The following FOXP1 variants were observed in gnomAD, a reference collection of about 807,000 sequenced individuals.
FOXP1 encodes forkhead box protein P1.
Under a neutral mutation model 98.2 loss-of-function variants are expected in FOXP1, and 15 were observed. The ratio of observed to expected loss-of-function variants is 0.15; its 90% CI spans 0.10 to 0.24. The LOEUF (loss-of-function observed/expected upper bound fraction) is 0.24. Ranked by LOEUF, FOXP1 falls within the 10% of genes least tolerant of loss-of-function variation. The probability of loss-of-function intolerance (pLI) is 1.00; values close to 1 mark genes in which losing one functional copy is unlikely to be tolerated. For synonymous variants in FOXP1, 371 were observed against 314.5 expected (o/e 1.18, Z -1.90); for missense variants, 633 against 848.5 (o/e 0.75, Z 3.15).
chr3:71,320,907 T>C (rs1049272024), intron 4 of FOXP1, among the ~76,000 whole-genome samples: 2 of 152,166 alleles, frequency 1.3e-5, no homozygotes, highest in South Asian at 4.1e-4. Flanking sequence ...AGCTGATATT[T>C]ATGTGAATGA....
chr3:71,583,572 C>T lies in FOXP1; in HGVS notation c.-448G>A. The T allele has an allele frequency of 2.0e-6, 2 of 983,696 alleles. No homozygotes were observed. Among genetic ancestry groups the T allele is most frequent in the Non-Finnish European group, 2.4e-6 (2 of 829,560 alleles). The allele number at this position is 983,696 out of a possible 1,614,324, so 60.9% of individuals were successfully genotyped here. On this transcript the variant is annotated splice_region_variant and 5_prime_UTR_variant, in exon 1 of 21. Coordinates refer to ENST00000649528, the MANE Select transcript of FOXP1 (RefSeq NM_001349338.3). ...AGAAATGGAAAAATACAAACTCACCCGCTGCAAATGGTCTCTCGGTGCAAA... is the reference window on the plus strand; with the variant it reads ...AGAAATGGAAAAATACAAACTCACCTGCTGCAAATGGTCTCTCGGTGCAAA...
At chr3:71,061,924 G>A (rs980702399) in intron 7 of FOXP1, among the ~76,000 whole-genome samples, 2 of 152,116 alleles carry the variant, frequency 1.3e-5, no homozygotes, top group African/African-American at 4.8e-5. Flanking sequence ...CTCAAACAAC[G>A]TTTCTGCCAC....
At chr3:71,141,829 T>G (rs1156409521) in intron 6 of FOXP1, among the ~76,000 whole-genome samples, 2 of 152,102 alleles carry the variant, frequency 1.3e-5, no homozygotes, top group African/African-American at 4.8e-5. Context: ...CTACTCTAGA[T>G]AAGTCCATCA....
At chr3:70,999,606 TA>T (rs757400771) in intron 13 of FOXP1, among the ~76,000 whole-genome samples, 23 of 152,236 alleles carry the variant, frequency 1.5e-4, no homozygotes, top group Non-Finnish European at 2.4e-4. Context: ...GGAAAAATAT[TA>T]ACTGGCTAAC....
At chr3:71,374,806 G>C (rs945244646) in intron 3 of FOXP1, among the ~76,000 whole-genome samples, 4 of 152,188 alleles carry the variant, frequency 2.6e-5, no homozygotes, top group Admixed American at 6.5e-5. Flanking sequence ...TGATGTGCTA[G>C]TAAAATAGCT....
At chr3:71,296,288 T>G (rs964115678) in intron 5 of FOXP1, 2 of 152,248 alleles carry the variant, frequency 1.3e-5, no homozygotes, top group Admixed American at 6.5e-5. Context: ...TACATGCTTC[T>G]TGCAGTGTGA....
intron 3 of FOXP1, among the ~76,000 whole-genome samples, chr3:71,370,798 G>GTTTTT (rs71621937): frequency 7.8e-6 from 1 of 128,408 alleles, no homozygotes; most frequent in Non-Finnish European, 1.6e-5. Flanking sequence ...TTTTTTTGTT[G>GTTTTT]TTTTTTTTTT....
Position 70,955,277 on chromosome 3 carries a change from A to G in FOXP1, c.*3970T>C, listed in dbSNP as rs893014753. The G allele has an allele frequency of 4.3e-6, 1 of 232,812 alleles. No homozygotes were observed. Among genetic ancestry groups the G allele is most frequent in the South Asian group, 1.8e-4 (1 of 5,528 alleles). 14.4% of individuals were successfully genotyped at this position (232,812 alleles called of 1,614,324 possible). A position where few individuals can be genotyped will look rare whatever the true frequency, so the allele number is the denominator to read the frequency against. On this transcript the variant is annotated 3_prime_UTR_variant, in exon 21 of 21. Transcript: ENST00000649528. Reference sequence around the variant, plus strand: ...ACAGCCTATCTTGGGTTAAGAATCCAAGGTTTTCTTTACTAGGTCTGACTG... The same window carrying G: ...ACAGCCTATCTTGGGTTAAGAATCCGAGGTTTTCTTTACTAGGTCTGACTG...
intron 7 of FOXP1, among the ~76,000 whole-genome samples, chr3:71,075,059 T>G (rs1196053893): frequency 6.6e-6 from 1 of 152,184 alleles, no homozygotes; most frequent in Non-Finnish European, 1.5e-5. Flanking sequence ...GTCTCAGATG[T>G]AAACATGAAA....
chr3:71,244,396 C>A (rs976853826), intron 5 of FOXP1, among the ~76,000 whole-genome samples: 13 of 151,852 alleles, frequency 8.6e-5, no homozygotes, highest in Admixed American at 5.9e-4. Context: ...GGCCCTCCCC[C>A]CGAAGCACAG....
chr3:71,272,281 T>C (rs2070439284), intron 5 of FOXP1, among the ~76,000 whole-genome samples: 1 of 152,136 alleles, frequency 6.6e-6, no homozygotes, highest in Non-Finnish European at 1.5e-5. Context: ...AATTCAGCAA[T>C]GAAAACGAGA....
intron 3 of FOXP1, among the ~76,000 whole-genome samples, chr3:71,471,092 TG>T (rs1435181137): frequency 6.6e-6 from 1 of 152,210 alleles, no homozygotes; most frequent in African/African-American, 2.4e-5. Flanking sequence ...TCTGTTTCCT[TG>T]CTTGGACAAA....
In FOXP1 at chr3:71,464,306, A is replaced by C. The variant is rs144588307; in HGVS notation, c.-168+29120T>G. The stretch of plus-strand genomic sequence containing the variant: ...GAAGGAAAACAAGGTAACTGCCTAC[A>C]GGTCTGCAAGTCGGGAGCAGGTGAC... On this transcript the variant is annotated intron_variant, in intron 3 of 20. Transcript: ENST00000649528. 9.0e-3 allele frequency among the ~76,000 whole-genome samples: 1,376 copies of C among 152,282 alleles called. 7 individuals are homozygous for C. Among genetic ancestry groups the C allele is most frequent in the Non-Finnish European group, 0.014 (944 of 68,020 alleles).
intron 2 of FOXP1, among the ~76,000 whole-genome samples, chr3:71,511,786 T>C (rs2042222647): frequency 6.6e-6 from 1 of 152,224 alleles, no homozygotes; most frequent in Admixed American, 6.5e-5. Context: ...CTTACAGATT[T>C]TTAAAAGAGA....
intron 3 of FOXP1, among the ~76,000 whole-genome samples, chr3:71,401,226 A>G (rs1407009398): frequency 6.6e-6 from 1 of 152,248 alleles, no homozygotes; most frequent in African/African-American, 2.4e-5. Context: ...CAACAGTTCA[A>G]AAGTTCAAAA....
At chr3:71,158,505 A>C (rs2060964699) in intron 6 of FOXP1, among the ~76,000 whole-genome samples, 1 of 152,166 alleles carries the variant, frequency 6.6e-6, no homozygotes, top group Non-Finnish European at 1.5e-5. Context: ...AGCAGGGATC[A>C]TGAAACCAAT....
intron 2 of FOXP1, among the ~76,000 whole-genome samples, chr3:71,509,835 T>A (rs1325537796): frequency 6.6e-6 from 1 of 152,174 alleles, no homozygotes; most frequent in African/African-American, 2.4e-5. Context: ...GAGCTATGAT[T>A]AGGCCACTGC....
chr3:71,094,696 C>CA (rs76993030), intron 7 of FOXP1, among the ~76,000 whole-genome samples: 42,160 of 151,956 alleles, frequency 0.28, 6,547 homozygotes, highest in East Asian at 0.59. Context: ...TTGTATACAA[C>CA]AGATATTCAA....
chr3:71,114,456 C>A (rs1200130151), intron 6 of FOXP1, among the ~76,000 whole-genome samples: 1 of 152,184 alleles, frequency 6.6e-6, no homozygotes, highest in Non-Finnish European at 1.5e-5. Context: ...AGAGTTGTAA[C>A]AAATAATACT....
Sources: gnomAD v4.1 joint callset for allele counts (sites outside exome capture counted in the v4.1 genomes callset) on GRCh38, gnomAD v4.1.1 for gene constraint, MANE v1.5 for transcripts, NCBI Gene and HGNC (gene_info 2026-07-23, HGNC 2026-07-21) for gene names.